ASAP1: variants seen among roughly 807,000 people sequenced by gnomAD.
The protein encoded by ASAP1 is ArfGAP with SH3 domain, ankyrin repeat and PH domain 1.
A neutral mutation model predicts 145.2 loss-of-function variants in ASAP1; 43 were observed. The ratio of observed to expected loss-of-function variants is 0.30; its 90% CI spans 0.23 to 0.38. The LOEUF is 0.38. Among genes scored for constraint, ASAP1 ranks in the 10% least tolerant of loss-of-function variants. The pLI is 1.00. For missense variants in ASAP1, 1,018 were observed against 1,355.3 expected (o/e 0.75, Z 3.91); for synonymous variants, 546 against 515.5 (o/e 1.06, Z -0.80).
At chr8:130,072,830 C>CGCGCGCACGCACGCGCG (rs1448184178) in intron 27 of ASAP1, among the ~76,000 whole-genome samples, 4 of 31,926 alleles carry the variant, frequency 1.3e-4, no homozygotes, top group East Asian at 3.2e-3. Context: ...TGTGTGCGCG[C>CGCGCGCACGCACGCGCG]GGGGGGGGGC....
chr8:130,311,449 G>A (rs1421667448), intron 3 of ASAP1, among the ~76,000 whole-genome samples: 3 of 152,018 alleles, frequency 2.0e-5, no homozygotes, highest in East Asian at 1.9e-4. Flanking sequence ...TTTTTCACTC[G>A]TTAAGCCAGT....
At chr8:130,273,565 G>T (rs1476821629) in intron 3 of ASAP1, among the ~76,000 whole-genome samples, 1 of 152,214 alleles carries the variant, frequency 6.6e-6, no homozygotes, top group Non-Finnish European at 1.5e-5. Flanking sequence ...CCAGGAGCTT[G>T]TATTAAGGAG....
At chr8:130,151,921 T>A (rs563708962) in intron 13 of ASAP1, among the ~76,000 whole-genome samples, 1 of 152,222 alleles carries the variant, frequency 6.6e-6, no homozygotes, top group African/African-American at 2.4e-5. Context: ...TTACAGCTGT[T>A]CTTTGTGCTT....
chr8:130,062,025 A>C (rs2097420639), intron 27 of ASAP1, among the ~76,000 whole-genome samples: 1 of 152,246 alleles, frequency 6.6e-6, no homozygotes, highest in Non-Finnish European at 1.5e-5. Context: ...GTTGGCATGC[A>C]GATTACATGG....
chr8:130,408,224 G>C (rs981098507), intron 1 of ASAP1, among the ~76,000 whole-genome samples: 33 of 152,222 alleles, frequency 2.2e-4, no homozygotes, highest in African/African-American at 7.5e-4. Flanking sequence ...AGGATGCCCA[G>C]ATAGCTGGTA....
intron 24 of ASAP1, among the ~76,000 whole-genome samples, chr8:130,098,595 G>T (rs374763236): frequency 3.3e-5 from 5 of 152,074 alleles, no homozygotes; most frequent in Non-Finnish European, 7.4e-5. Flanking sequence ...TGATCCGCCC[G>T]CCTCGGCCTC....
intron 3 of ASAP1, among the ~76,000 whole-genome samples, chr8:130,250,865 G>C (rs927986264): frequency 6.6e-6 from 1 of 152,090 alleles, no homozygotes; most frequent in African/African-American, 2.4e-5. Context: ...CAATTAATCT[G>C]TTTACCATTT....
chr8:130,218,779 G>A (rs916787742), intron 4 of ASAP1, among the ~76,000 whole-genome samples: 10 of 152,066 alleles, frequency 6.6e-5, no homozygotes, highest in African/African-American at 2.4e-4. Context: ...GACTAGATAA[G>A]TATAGGCTAG....
intron 1 of ASAP1, among the ~76,000 whole-genome samples, chr8:130,431,516 T>G (rs919560736): frequency 2.0e-5 from 3 of 152,186 alleles, no homozygotes; most frequent in African/African-American, 4.8e-5. Flanking sequence ...CACCTAGAAT[T>G]TCCTTCCCTT....
chr8:130,379,474 C>G (rs1001145399), intron 2 of ASAP1, among the ~76,000 whole-genome samples: 1 of 152,150 alleles, frequency 6.6e-6, no homozygotes, highest in Non-Finnish European at 1.5e-5. Flanking sequence ...GTCAGACACA[C>G]GCAGCCTCTG....
intron 3 of ASAP1, among the ~76,000 whole-genome samples, chr8:130,239,173 C>G (rs964861507): frequency 6.6e-6 from 1 of 152,018 alleles, no homozygotes; most frequent in African/African-American, 2.4e-5. Flanking sequence ...TGCTGCATGT[C>G]ATGCTTAAGG....
intron 14 of ASAP1, among the ~76,000 whole-genome samples, chr8:130,136,417 G>A (rs2097594915): frequency 6.6e-6 from 1 of 152,180 alleles, no homozygotes; most frequent in Non-Finnish European, 1.5e-5. Flanking sequence ...TGGAAGCAAG[G>A]AAATGATTTT....
chr8:130,267,861 G>A (rs529943504), intron 3 of ASAP1, among the ~76,000 whole-genome samples: 8 of 152,298 alleles, frequency 5.3e-5, no homozygotes, highest in African/African-American at 1.7e-4. Context: ...CTCAGGAAGT[G>A]TCCAGCCCAG....
At chr8:130,391,419 A>G (rs566018572) in intron 2 of ASAP1, among the ~76,000 whole-genome samples, 1 of 152,386 alleles carries the variant, frequency 6.6e-6, no homozygotes, top group South Asian at 2.1e-4. Flanking sequence ...TCTTAAAAAC[A>G]GTTAACAATA....
intron 12 of ASAP1, among the ~76,000 whole-genome samples, chr8:130,158,429 C>T (rs932033598): frequency 6.6e-6 from 1 of 151,520 alleles, no homozygotes; most frequent in Non-Finnish European, 1.5e-5. Flanking sequence ...GTGGTAGAAT[C>T]GCTTGTGCCC....
chr8:130,253,368 G>A (rs1022923184), intron 3 of ASAP1, among the ~76,000 whole-genome samples: 2 of 152,200 alleles, frequency 1.3e-5, no homozygotes, highest in African/African-American at 4.8e-5. Context: ...ACTTGGAAGA[G>A]AGCAAACCCT....
intron 3 of ASAP1, among the ~76,000 whole-genome samples, chr8:130,327,417 TAGC>T (rs1824406297): frequency 6.6e-6 from 1 of 152,150 alleles, no homozygotes; most frequent in Admixed American, 6.5e-5. Context: ...TATGGTGTGA[TAGC>T]AGCTCTAGGA....
At chr8:130,165,225 T>C (rs997718594) in intron 11 of ASAP1, among the ~76,000 whole-genome samples, 6 of 152,210 alleles carry the variant, frequency 3.9e-5, no homozygotes, top group Non-Finnish European at 8.8e-5. Context: ...AAAAAGGGGT[T>C]GTAACAGTCC....
intron 2 of ASAP1, among the ~76,000 whole-genome samples, chr8:130,364,188 G>C (rs183411625): frequency 1.3e-5 from 2 of 152,266 alleles, no homozygotes; most frequent in East Asian, 3.9e-4. Flanking sequence ...AACTACTCTG[G>C]TTCTACCTCC....
Sources: allele counts gnomAD v4.1 joint callset (sites outside exome capture counted in the v4.1 genomes callset), GRCh38; gene constraint gnomAD v4.1.1; transcripts MANE v1.5; gene names NCBI Gene and HGNC (gene_info 2026-07-23, HGNC 2026-07-21).